Variants in NKAIN2 observed in about 807,000 individuals in gnomAD.
The protein encoded by NKAIN2 is sodium/potassium-transporting ATPase subunit beta-1-interacting protein 2.
NKAIN2 carries 14 observed loss-of-function variants against 32.6 expected under a neutral mutation model. That is an observed-to-expected ratio of 0.43 (90% CI 0.28 to 0.67). The LOEUF (loss-of-function observed/expected upper bound fraction) is 0.67. Among genes scored for constraint, NKAIN2 ranks in the 30% least tolerant of loss-of-function variants. NKAIN2 has a pLI of 0.17. For synonymous variants in NKAIN2, 80 were observed against 87.2 expected, an observed-to-expected ratio of 0.92 and a Z score of 0.46; for missense variants, 198 against 258.3, an observed-to-expected ratio of 0.77 and a Z score of 1.60.
At chr6:123,813,855 C>CT (rs5879698) in intron 1 of NKAIN2, among the ~76,000 whole-genome samples, 17,418 of 141,768 alleles carry the variant, frequency 0.12, 1,729 homozygotes, top group East Asian at 0.55. Context: ...AGCTCTGGAC[C>CT]TTTTTTTTTT....
intron 3 of NKAIN2, among the ~76,000 whole-genome samples, chr6:124,536,765 G>GT (rs1275712625): frequency 1.3e-5 from 2 of 152,166 alleles, no homozygotes; most frequent in East Asian, 3.8e-4. Flanking sequence ...TTGAGTTTCA[G>GT]TTTTTTCTCT....
intron 1 of NKAIN2, among the ~76,000 whole-genome samples, chr6:124,196,876 A>AT (rs890848438): frequency 6.6e-6 from 1 of 151,894 alleles, no homozygotes; most frequent in African/African-American, 2.4e-5. Context: ...AAATTTGTGG[A>AT]TTTTCCCTAA....
At chr6:123,896,637 G>A (rs1774292374) in intron 1 of NKAIN2, among the ~76,000 whole-genome samples, 1 of 152,154 alleles carries the variant, frequency 6.6e-6, no homozygotes, top group Non-Finnish European at 1.5e-5. Context: ...GTTGCTCATT[G>A]AGAGAGATGT....
intron 1 of NKAIN2, among the ~76,000 whole-genome samples, chr6:124,112,004 T>A (rs1785408913): frequency 6.6e-6 from 1 of 152,154 alleles, no homozygotes; most frequent in Admixed American, 6.5e-5. Context: ...TTCATATTAT[T>A]TATCTTTTAA....
rs556795568 is a variant in NKAIN2, at chr6:124,629,748, C to T, written c.274-28438C>T. Among the ~76,000 whole-genome samples, 6 of 152,080 alleles carry T rather than the reference C, an allele frequency of 3.9e-5. No individual in the cohort carries two copies. In the South Asian group the frequency reaches 8.3e-4, roughly 21 times the overall value. On this transcript the variant is annotated intron_variant, in intron 3 of 6. Coordinates refer to ENST00000368417, the MANE Select transcript of NKAIN2 (RefSeq NM_001040214.3). ...GAAGCCCATTTTAGTCAAAAAGAAA[C>T]GTTAAACCAATTTAGGAAGGGGCAG...
intron 3 of NKAIN2, among the ~76,000 whole-genome samples, chr6:124,576,981 A>C (rs547987561): frequency 6.6e-6 from 1 of 152,184 alleles, no homozygotes; most frequent in African/African-American, 2.4e-5. Flanking sequence ...GGGATTTGTA[A>C]GAACTGAAAC....
intron 4 of NKAIN2, among the ~76,000 whole-genome samples, chr6:124,688,807 T>C (rs1460389072): frequency 6.6e-6 from 1 of 152,126 alleles, no homozygotes; most frequent in East Asian, 1.9e-4. Context: ...GGCTTGATAA[T>C]TCATTTCTTT....
At chr6:124,302,302 C>A (rs1490745938) in intron 2 of NKAIN2, among the ~76,000 whole-genome samples, 1 of 152,206 alleles carries the variant, frequency 6.6e-6, no homozygotes, top group Non-Finnish European at 1.5e-5. Context: ...ACAGGTATGT[C>A]TTTATTAGCT....
intron 1 of NKAIN2, among the ~76,000 whole-genome samples, chr6:123,813,125 C>T (rs1773548144): frequency 6.6e-6 from 1 of 152,152 alleles, no homozygotes; most frequent in Non-Finnish European, 1.5e-5. Context: ...GTCTCTGACA[C>T]CACTTGGAAA....
intron 4 of NKAIN2, among the ~76,000 whole-genome samples, chr6:124,702,965 CAAATT>C (rs1482146318): frequency 2.0e-5 from 3 of 151,884 alleles, no homozygotes; most frequent in Non-Finnish European, 4.4e-5. Flanking sequence ...TATTTGAAAA[CAAATT>C]AAAAGTAAAC....
At chr6:124,170,513 A>G (rs1488999283) in intron 1 of NKAIN2, among the ~76,000 whole-genome samples, 2 of 152,330 alleles carry the variant, frequency 1.3e-5, no homozygotes, top group South Asian at 2.1e-4. Flanking sequence ...TGTAATGGCT[A>G]GAGTTGGACA....
chr6:124,620,156 T>C (rs1330784337), intron 3 of NKAIN2, among the ~76,000 whole-genome samples: 1 of 152,202 alleles, frequency 6.6e-6, no homozygotes, highest in African/African-American at 2.4e-5. Flanking sequence ...TGTAGCTTTC[T>C]GATTTTTCTC....
At chr6:124,248,406 C>T (rs1018051330) in intron 1 of NKAIN2, among the ~76,000 whole-genome samples, 2 of 151,768 alleles carry the variant, frequency 1.3e-5, no homozygotes, top group Non-Finnish European at 2.9e-5. Context: ...TGTCTTCCTT[C>T]CCCCCCACCG....
chr6:124,410,198 T>G (rs893252076), intron 3 of NKAIN2, among the ~76,000 whole-genome samples: 1 of 152,170 alleles, frequency 6.6e-6, no homozygotes, highest in Non-Finnish European at 1.5e-5. Flanking sequence ...TCTCCTTCAG[T>G]TCTGCTCTGA....
chr6:124,474,219 G>C (rs1168104577), intron 3 of NKAIN2, among the ~76,000 whole-genome samples: 4 of 152,036 alleles, frequency 2.6e-5, no homozygotes, highest in African/African-American at 9.7e-5. Context: ...CCTTTTCAAG[G>C]TGGAATCTGC....
chr6:124,809,754 C>T (rs1267591401), intron 5 of NKAIN2, among the ~76,000 whole-genome samples: 1 of 151,970 alleles, frequency 6.6e-6, no homozygotes, highest in African/African-American at 2.4e-5. Flanking sequence ...GGCTAATATC[C>T]AGAATCTACA....
chr6:124,060,712 G>A (rs779818896), intron 1 of NKAIN2, among the ~76,000 whole-genome samples: 2 of 152,098 alleles, frequency 1.3e-5, no homozygotes, highest in Non-Finnish European at 2.9e-5. Flanking sequence ...ATCTAGTAAA[G>A]TTTAGCAGAC....
At chr6:124,806,722 G>T (rs978527755) in intron 5 of NKAIN2, among the ~76,000 whole-genome samples, 1 of 152,110 alleles carries the variant, frequency 6.6e-6, no homozygotes, top group Non-Finnish European at 1.5e-5. Context: ...AGACCCATCA[G>T]TGTGCTGTAT....
chr6:124,806,210 A>T (rs560742881), intron 5 of NKAIN2, among the ~76,000 whole-genome samples: 1 of 152,312 alleles, frequency 6.6e-6, no homozygotes, highest in African/African-American at 2.4e-5. Context: ...AGTTGAAATG[A>T]AGGAAAAAAT....
Sources: allele counts gnomAD v4.1 joint callset (sites outside exome capture counted in the v4.1 genomes callset), GRCh38; gene constraint gnomAD v4.1.1; transcripts MANE v1.5; gene names NCBI Gene and HGNC (gene_info 2026-07-23, HGNC 2026-07-21).